ADCY9: variants seen among roughly 807,000 people sequenced by gnomAD.
ADCY9 encodes the protein adenylate cyclase 9.
In ADCY9, 50 loss-of-function variants were observed where a neutral mutation model predicts 101.5. That is an observed-to-expected ratio of 0.49 (90% CI 0.39 to 0.62). The LOEUF (loss-of-function observed/expected upper bound fraction) is 0.62, where lower values mean the gene tolerates loss of function less well. ADCY9 is among the 20% of genes least tolerant of loss of function. ADCY9 has a pLI of 0.00. For synonymous variants in ADCY9, 905 were observed against 769.3 expected (o/e 1.18, Z -2.92); for missense variants, 1,662 against 1,800.4 (o/e 0.92, Z 1.39).
chr16:3,993,277 G>A (rs555824436), intron 4 of ADCY9, 129 bp downstream of exon 4: 18 of 1,463,370 alleles, frequency 1.2e-5, no homozygotes, highest in Admixed American at 6.8e-5. Flanking sequence ...CGGAGGACCC[G>A]CGGGTGCGGA....
chr16:4,002,946 C>T (rs995358592), intron 3 of ADCY9, among the ~76,000 whole-genome samples: 1 of 152,172 alleles, frequency 6.6e-6, no homozygotes, highest in Non-Finnish European at 1.5e-5. Context: ...GAACTCCTGA[C>T]CGCAGGTGAT....
intron 2 of ADCY9, among the ~76,000 whole-genome samples, chr16:4,071,469 G>A (rs943256593): frequency 6.6e-6 from 1 of 151,576 alleles, no homozygotes; most frequent in Non-Finnish European, 1.5e-5. Flanking sequence ...AAAAGGGTCC[G>A]TATGGTGGAT....
At chr16:4,103,286 G>A (rs1440414089) in intron 2 of ADCY9, among the ~76,000 whole-genome samples, 1 of 152,184 alleles carries the variant, frequency 6.6e-6, no homozygotes, top group Non-Finnish European at 1.5e-5. Context: ...AGTGTGATCC[G>A]CAGATCCCTA....
rs965115592 is a variant in ADCY9, at chr16:3,974,812, G to A, written c.2829-102C>T. The A allele has an allele frequency of 2.3e-4, 219 of 946,214 alleles. No homozygotes were observed. The African/African-American group carries it at 3.3e-3, about 14-fold the overall frequency. 58.6% of individuals were successfully genotyped at this position (946,214 alleles called of 1,614,324 possible). On this transcript the variant is annotated intron_variant, in intron 9 of 10. Transcript: ENST00000294016. ...AACAAACTATGTTCCTTTTTTAGAC[G>A]TGGTTGTACATCCACATAAAGCCAC...
Position 3,992,137 on chromosome 16 carries a change from C to G in ADCY9, c.2207+9G>C. 1.9e-6 allele frequency: 3 copies of G among 1,613,928 alleles called. No individual in the cohort carries two copies. Among genetic ancestry groups the G allele is most frequent in the Non-Finnish European group, 2.5e-6 (3 of 1,179,846 alleles). On this transcript the variant is annotated intron_variant, in intron 5 of 10. Transcript: ENST00000294016. This position sits in a 1 kb window ranked among gnomAD's most constrained non-coding sequence, Gnocchi z 4.2. Reference sequence around the variant, plus strand: ...ACCTTTGCTTTTTCCCAGACAGCCCCAGTCGTACCTGTCTTCTTTGATAAC... The same window carrying G: ...ACCTTTGCTTTTTCCCAGACAGCCCGAGTCGTACCTGTCTTCTTTGATAAC...
At chr16:3,997,005 C>A (rs1567430219) in intron 3 of ADCY9, among the ~76,000 whole-genome samples, 1 of 152,146 alleles carries the variant, frequency 6.6e-6, no homozygotes, top group Non-Finnish European at 1.5e-5. Flanking sequence ...GCTGGGATTA[C>A]AGGCGCCCAC....
intron 2 of ADCY9, among the ~76,000 whole-genome samples, chr16:4,008,205 A>G (rs1014475843): frequency 1.1e-4 from 7 of 65,060 alleles, no homozygotes; most frequent in African/African-American, 2.5e-4. Flanking sequence ...CCGCATATAG[A>G]AAAAAAAAAA....
At chr16:4,077,187 A>G (rs559905552) in intron 2 of ADCY9, among the ~76,000 whole-genome samples, 92 of 152,306 alleles carry the variant, frequency 6.0e-4, no homozygotes, top group Non-Finnish European at 1.1e-3. Flanking sequence ...AGCCCTATAC[A>G]GGGAAGTTAC....
At chr16:4,016,679 GAA>G (rs1293718764) in intron 2 of ADCY9, among the ~76,000 whole-genome samples, 3 of 152,204 alleles carry the variant, frequency 2.0e-5, no homozygotes, top group African/African-American at 7.2e-5. Context: ...GGAATACACT[GAA>G]AATGGAAATA....
intron 2 of ADCY9, among the ~76,000 whole-genome samples, chr16:4,059,922 A>C (rs2056764227): frequency 6.6e-6 from 1 of 152,174 alleles, no homozygotes; most frequent in Non-Finnish European, 1.5e-5. Context: ...AAAATGAAGA[A>C]GAAAAATGAC....
chr16:3,995,830 G>A (rs374146675), intron 3 of ADCY9, among the ~76,000 whole-genome samples: 2 of 152,284 alleles, frequency 1.3e-5, no homozygotes, highest in African/African-American at 4.8e-5. Flanking sequence ...GGAATCTGAT[G>A]TAACATACAA....
chr16:3,962,300 C>T (rs1456554471), downstream of ADCY9, among the ~76,000 whole-genome samples: 1 of 152,074 alleles, frequency 6.6e-6, no homozygotes, highest in Admixed American at 6.6e-5. Context: ...TACTTTTTCC[C>T]CCTCAATTCC....
At chr16:4,106,647 A>T (rs1259536601) in intron 2 of ADCY9, among the ~76,000 whole-genome samples, 1 of 152,198 alleles carries the variant, frequency 6.6e-6, no homozygotes, top group Non-Finnish European at 1.5e-5. Context: ...ACACTCTTAC[A>T]GTTTTGGAAT....
intron 2 of ADCY9, among the ~76,000 whole-genome samples, chr16:4,044,279 G>A (rs549478101): frequency 6.6e-6 from 1 of 152,022 alleles, no homozygotes; most frequent in Admixed American, 6.5e-5. Flanking sequence ...CCCAGGAGGC[G>A]GAGGTTGCAG....
intron 2 of ADCY9, among the ~76,000 whole-genome samples, chr16:4,015,912 T>C (rs2056435461): frequency 6.6e-6 from 1 of 150,810 alleles, no homozygotes; most frequent in East Asian, 2.0e-4. Context: ...AGGTTGCAGA[T>C]AGCCGAGATC....
chr16:3,965,642 G>A lies in ADCY9; in HGVS notation c.*133C>T. 1 of 762,226 alleles carries A rather than the reference G, an allele frequency of 1.3e-6. No homozygotes were observed. Among genetic ancestry groups the A allele is most frequent in the Non-Finnish European group, 2.1e-6 (1 of 477,722 alleles). 47.2% of individuals were successfully genotyped at this position (762,226 alleles called of 1,614,324 possible). A position where few individuals can be genotyped will look rare whatever the true frequency, so the allele number is the denominator to read the frequency against. ...CTGAATAACTGTGATCCACACAGAA[G>A]TTAGGGCTGAAATGACCACATAACA... On this transcript the variant is annotated 3_prime_UTR_variant, in exon 11 of 11. Transcript: ENST00000294016.
At position 4,108,554 on chromosome 16, in the gene ADCY9, A is replaced by G. The variant is rs561260978; in HGVS notation, c.1693+5196T>C. 2.0e-5 allele frequency among the ~76,000 whole-genome samples: 3 copies of G among 151,428 alleles called. No homozygotes were observed. In the East Asian group the frequency reaches 5.9e-4, roughly 30 times the overall value. ...ACACCCAGCCAATTTTTGCATTTTC[A>G]GTAGAGACAGGGTTTCACCATGTTG... On this transcript the variant is annotated intron_variant, in intron 2 of 10. Coordinates refer to ENST00000294016, the MANE Select transcript of ADCY9 (RefSeq NM_001116.4).
At chr16:4,066,566 T>A (rs555200626) in intron 2 of ADCY9, among the ~76,000 whole-genome samples, 1 of 151,980 alleles carries the variant, frequency 6.6e-6, no homozygotes, top group Admixed American at 6.5e-5. Context: ...TTTTTATTAT[T>A]TGTAGAAATG....
intron 2 of ADCY9, among the ~76,000 whole-genome samples, chr16:4,057,038 G>A (rs12926615): frequency 3.2e-4 from 27 of 83,538 alleles, no homozygotes; most frequent in African/African-American, 1.2e-3. Flanking sequence ...TGATGAAACC[G>A]CCCCCCCCCC....
Sources: allele counts gnomAD v4.1 joint callset (sites outside exome capture counted in the v4.1 genomes callset), GRCh38; gene constraint gnomAD v4.1.1; non-coding constraint Gnocchi (gnomAD v3.1); transcripts MANE v1.5; gene names NCBI Gene and HGNC (gene_info 2026-07-23, HGNC 2026-07-21).